The following PDE6C variants were observed in gnomAD, a reference collection of about 807,000 sequenced individuals.
The protein encoded by PDE6C is cone cGMP-specific 3',5'-cyclic phosphodiesterase subunit alpha'.
PDE6C carries 75 observed loss-of-function variants against 113.1 expected under a neutral mutation model. The ratio of observed to expected loss-of-function variants is 0.66; its 90% CI spans 0.55 to 0.80. The LOEUF is 0.80. Among genes scored for constraint, PDE6C ranks in the 30% least tolerant of loss-of-function variants. The pLI, the probability that PDE6C is intolerant of heterozygous loss-of-function variation, is 0.00. For synonymous variants in PDE6C, 375 were observed against 363.7 expected, an observed-to-expected ratio of 1.03 and a Z score of -0.35; for missense variants, 912 against 1,038.6, an observed-to-expected ratio of 0.88 and a Z score of 1.67.
intron 1 of PDE6C, 81 bp from the exon 2 acceptor site, chr10:93,620,551 G>C: frequency 7.1e-7 from 1 of 1,404,182 alleles, no homozygotes; most frequent in Non-Finnish European, 1.0e-6. Flanking sequence ...TTAAATGAGA[G>C]AGAATGATCT....
chr10:93,624,841 G>T (rs1199810929), intron 4 of PDE6C, among the ~76,000 whole-genome samples: 1 of 152,188 alleles, frequency 6.6e-6, no homozygotes, highest in Admixed American at 6.5e-5. Context: ...TTCCTGGCAA[G>T]GTCTCTGCTA....
At chr10:93,636,854 A>C (rs2058534741) in intron 10 of PDE6C, 141 bp from the exon 11 acceptor site, 25 of 649,346 alleles carry the variant, frequency 3.9e-5, no homozygotes, top group East Asian at 1.1e-4. Flanking sequence ...TGCATCTTCC[A>C]ACTCCTGGGC....
chr10:93,648,035 A>C (rs1346603827), intron 15 of PDE6C, among the ~76,000 whole-genome samples: 3 of 152,228 alleles, frequency 2.0e-5, no homozygotes, highest in African/African-American at 7.2e-5. Context: ...GCATAATCAT[A>C]CAGTCACCTA....
intron 15 of PDE6C, among the ~76,000 whole-genome samples, chr10:93,648,819 CTTG>C (rs1325142177): frequency 6.6e-6 from 1 of 152,128 alleles, no homozygotes; most frequent in Non-Finnish European, 1.5e-5. Context: ...ATAACAAAAT[CTTG>C]TTATTATTCA....
At position 93,665,789 on chromosome 10, in the gene PDE6C, G is replaced by C. The variant is rs1177678546; in HGVS notation, c.*371G>C. 7.4e-6 allele frequency: 2 copies of C among 268,620 alleles called. No homozygotes were observed. Among genetic ancestry groups the C allele is most frequent in the Non-Finnish European group, 1.4e-5 (2 of 138,980 alleles). 16.6% of individuals were successfully genotyped at this position (268,620 alleles called of 1,614,324 possible). ...GAAATGTATTTTCTCAAAGTCCTGG[G>C]GGCTGGAAGTTCAAGATCAAGGAGT... On this transcript the variant is annotated 3_prime_UTR_variant, in exon 22 of 22. Coordinates refer to ENST00000371447, the MANE Select transcript of PDE6C (RefSeq NM_006204.4).
At chr10:93,649,880 C>T (rs1272771022) in intron 15 of PDE6C, among the ~76,000 whole-genome samples, 1 of 152,212 alleles carries the variant, frequency 6.6e-6, no homozygotes, top group East Asian at 1.9e-4. Flanking sequence ...GCTGGGATTA[C>T]AGGTGTGAGC....
chr10:93,621,102 A>G (rs527820993), intron 3 of PDE6C, 122 bp downstream of exon 3: 2 of 793,818 alleles, frequency 2.5e-6, no homozygotes, highest in East Asian at 2.4e-5. Flanking sequence ...ACAGATCCCC[A>G]AACTTCAGTC....
At chr10:93,617,861 G>A (rs1172278356) in intron 1 of PDE6C, among the ~76,000 whole-genome samples, 1 of 152,212 alleles carries the variant, frequency 6.6e-6, no homozygotes, top group African/African-American at 2.4e-5. Flanking sequence ...TGCCCAGGCT[G>A]TGTAAATGAA....
intron 16 of PDE6C, among the ~76,000 whole-genome samples, chr10:93,658,052 C>G (rs2058647087): frequency 6.6e-6 from 1 of 151,246 alleles, no homozygotes; most frequent in African/African-American, 2.4e-5. Flanking sequence ...TGCCTGTAGT[C>G]CCACCTACTC....
At chr10:93,651,662 T>TC (rs1178763692) in intron 15 of PDE6C, among the ~76,000 whole-genome samples, 1 of 152,144 alleles carries the variant, frequency 6.6e-6, no homozygotes, top group African/African-American at 2.4e-5. Flanking sequence ...GATTTTGTTT[T>TC]CCGGAAGTTG....
At chr10:93,647,858 C>T (rs956101414) in intron 15 of PDE6C, among the ~76,000 whole-genome samples, 3 of 152,224 alleles carry the variant, frequency 2.0e-5, no homozygotes, top group African/African-American at 2.4e-5. Flanking sequence ...AAAGAAGGAG[C>T]GGAACTGAAA....
chr10:93,640,811 C>G, intron 13 of PDE6C, 109 bp from the exon 14 acceptor site: 1 of 770,634 alleles, frequency 1.3e-6, no homozygotes, highest in Non-Finnish European at 2.2e-6. Flanking sequence ...ATAAAGTGAA[C>G]TTGCTCCAGA....
Position 93,625,647 on chromosome 10 carries a change from A to T in PDE6C, c.937A>T (p.Arg313Trp), listed in dbSNP as rs756385811. Residue 313 changes from arginine (R) to tryptophan (W), a missense_variant and splice_region_variant, in exon 5 of 22, where the codon AGG (arginine) becomes TGG (tryptophan). By Grantham distance (101) the Arg-to-Trp change is moderately radical (BLOSUM62 -3). Transcript: ENST00000371447. ...TAAAGGTCCAAAGACACCTGATGGC[A>T]GGGTACGTGCAAATGTCTTCCTTGA... ...PYKGPKTPDG[R>W]EVNFYKIIDY... is the part of the protein sequence containing the mutation. The T allele has an allele frequency of 1.9e-6, 3 of 1,608,124 alleles. No individual in the cohort carries two copies. The highest frequency in any genetic ancestry group is 1.7e-6 in the Non-Finnish European group (2 of 1,174,628).
chr10:93,614,952 C>A (rs2058413196), intron 1 of PDE6C, among the ~76,000 whole-genome samples: 1 of 152,188 alleles, frequency 6.6e-6, no homozygotes, highest in African/African-American at 2.4e-5. Flanking sequence ...TGCTTCTTCA[C>A]ATTTTTTTCT....
At chr10:93,635,970 G>A (rs487161) in intron 10 of PDE6C, among the ~76,000 whole-genome samples, 74,242 of 152,038 alleles carry the variant, frequency 0.49, 20,209 homozygotes, top group South Asian at 0.64. Flanking sequence ...CAACCCTAAC[G>A]CCTCAGTGTC....
rs1309755491 is a variant in PDE6C, at chr10:93,634,864, A to G, written c.1226A>G (p.Lys409Arg). The change falls in exon 9 of 22, where the codon AAG becomes AGG. Residue 409 changes from lysine (K) to arginine (R), a missense_variant. Transcript: ENST00000371447. ...IVGVATFYNR[K>R]DGKPFDEHDE... ...GGAGTGGCTACATTTTACAACAGGAAGGATGGAAAACCTTTCGATGAGCAT... is the reference window on the plus strand; with the variant it reads ...GGAGTGGCTACATTTTACAACAGGAGGGATGGAAAACCTTTCGATGAGCAT... 1.2e-6 allele frequency: 2 copies of G among 1,614,138 alleles called. No individual in the cohort carries two copies. Among genetic ancestry groups the G allele is most frequent in the East Asian group, 2.2e-5 (1 of 44,868 alleles).
chr10:93,663,089 T>G lies in PDE6C; in HGVS notation c.2429T>G (p.Val810Gly), dbSNP rs939852854. ...PMLSGLQNNRVEWKSLADEYD... is the reference protein window; with the variant it reads ...PMLSGLQNNRGEWKSLADEYD... ...CTGAGTGGTCTTCAGAATAACAGAG[T>G]AGAATGGAAATCACTAGCTGATGAG... The change falls in exon 21 of 22, where the codon GTA (valine) becomes GGA (glycine). Residue 810 changes from valine (V) to glycine (G), a missense_variant. Transcript: ENST00000371447. 1 of 1,612,800 alleles carries G rather than the reference T, an allele frequency of 6.2e-7. No homozygotes were observed. Among genetic ancestry groups the G allele is most frequent in the Non-Finnish European group, 8.5e-7 (1 of 1,179,392 alleles).
chr10:93,636,461 G>A (rs1009964362), intron 10 of PDE6C, among the ~76,000 whole-genome samples: 7 of 149,182 alleles, frequency 4.7e-5, no homozygotes, highest in Middle Eastern at 3.4e-3. Context: ...TGGTTTTGCC[G>A]AGTGGTTTGA....
At chr10:93,616,170 T>G (rs1224046992) in intron 1 of PDE6C, among the ~76,000 whole-genome samples, 1 of 152,214 alleles carries the variant, frequency 6.6e-6, no homozygotes, top group African/African-American at 2.4e-5. Context: ...CGTTCAAAGT[T>G]AGGTAGACAG....
Sources: allele counts gnomAD v4.1 joint callset (sites outside exome capture counted in the v4.1 genomes callset), GRCh38; gene constraint gnomAD v4.1.1; transcripts MANE v1.5; gene names NCBI Gene and HGNC (gene_info 2026-07-23, HGNC 2026-07-21).